The following TENM1 variants were observed in gnomAD, a reference collection of about 807,000 sequenced individuals.
TENM1 encodes the protein teneurin transmembrane protein 1, also known as teneurin-1.
Under a neutral mutation model 174.8 loss-of-function variants are expected in TENM1, and 35 were observed. The observed-to-expected ratio is 0.20, with a 90% CI of 0.15 to 0.27. TENM1 has a LOEUF of 0.27. Ranked by LOEUF, TENM1 falls within the 10% of genes least tolerant of loss-of-function variation. TENM1 has a pLI of 1.00. For missense variants in TENM1, 1,633 were observed against 2,130.1 expected, an observed-to-expected ratio of 0.77 and a Z score of 4.59; for synonymous variants, 781 against 798.7, an observed-to-expected ratio of 0.98 and a Z score of 0.37.
At chrX:124,876,557 C>A (rs1346164932) in intron 3 of TENM1, among the ~76,000 whole-genome samples, 1 of 111,414 alleles carries the variant, frequency 9.0e-6, no homozygotes, top group Non-Finnish European at 1.9e-5. Context: ...CCAAAAAAAT[C>A]TTTAAAAGAT....
intron 3 of TENM1, among the ~76,000 whole-genome samples, chrX:124,778,164 T>C (rs1234295568): frequency 8.9e-6 from 1 of 112,894 alleles, no homozygotes; most frequent in Non-Finnish European, 1.9e-5. Context: ...GTTAAATGCC[T>C]AGGCAGATAA....
the TENM1 span, among the ~76,000 whole-genome samples, chrX:125,012,126 T>C: frequency 1.8e-5 from 2 of 110,229 alleles, no homozygotes; most frequent in Admixed American, 9.7e-5. Context: ...TAAGTGGGAG[T>C]TGAACAATGA....
At chrX:125,160,860 C>T in the TENM1 span, among the ~76,000 whole-genome samples, 2 of 109,627 alleles carry the variant, frequency 1.8e-5, no homozygotes, top group Admixed American at 2.0e-4. Flanking sequence ...ATTGTTCAAT[C>T]ACTGTGGAAA....
At chrX:124,651,084 T>C (rs1234152692) in intron 8 of TENM1, among the ~76,000 whole-genome samples, 1 of 111,950 alleles carries the variant, frequency 8.9e-6, no homozygotes, top group African/African-American at 3.2e-5. Flanking sequence ...GTATTGAAAA[T>C]TGACAGCTGT....
intron 25 of TENM1, among the ~76,000 whole-genome samples, chrX:124,419,855 A>G (rs1303147959): frequency 8.9e-6 from 1 of 111,863 alleles, no homozygotes; most frequent in Non-Finnish European, 1.9e-5. Flanking sequence ...TCCCACAGCA[A>G]CTTATACTGA....
intron 23 of TENM1, among the ~76,000 whole-genome samples, chrX:124,435,514 T>TA (rs374861872): frequency 8.9e-6 from 1 of 111,889 alleles, no homozygotes; most frequent in African/African-American, 3.3e-5. Context: ...ATGGAGATGT[T>TA]AAGCTATAAG....
chrX:124,388,391 C>T (rs1346441699), intron 28 of TENM1, among the ~76,000 whole-genome samples: 1 of 112,381 alleles, frequency 8.9e-6, no homozygotes, highest in Admixed American at 9.4e-5. Flanking sequence ...TGTTTCAAAG[C>T]TTCCTGCCAA....
intron 3 of TENM1, among the ~76,000 whole-genome samples, chrX:124,886,546 T>TAGAGAGAG (rs1486537193): frequency 4.1e-4 from 31 of 76,065 alleles, no homozygotes; most frequent in African/African-American, 1.6e-3. Context: ...TATATATATA[T>TAGAGAGAG]ATAGAGAGAG....
chrX:124,979,181 T>C, the TENM1 span, among the ~76,000 whole-genome samples: 2 of 112,975 alleles, frequency 1.8e-5, no homozygotes, highest in East Asian at 5.6e-4. Flanking sequence ...CCAGGCCTAA[T>C]CATCATAGAT....
rs1378886454 is a variant in TENM1 at position 124,613,158 on chromosome X, T to C, written c.2077+28633A>G. On this transcript the variant is annotated intron_variant, in intron 11 of 31. Transcript: ENST00000422452. ...AGAAAGATGCTTCCTTCTGAGATGA[T>C]GAACAACTGACATTTGTATAGAACT... 6.3e-5 allele frequency among the ~76,000 whole-genome samples: 7 copies of C among 111,746 alleles called. No individual in the cohort carries two copies. The East Asian group carries it at 2.0e-3, about 31-fold the overall frequency.
At chrX:124,965,390 A>AT (rs1272241894), upstream of TENM1, among the ~76,000 whole-genome samples, 2 of 111,847 alleles carry the variant, frequency 1.8e-5, no homozygotes, top group East Asian at 5.6e-4. Context: ...ATGTAGGCTG[A>AT]TTTTTTAAAA....
intron 11 of TENM1, among the ~76,000 whole-genome samples, chrX:124,616,492 G>A (rs991546946): frequency 6.2e-5 from 7 of 112,102 alleles, no homozygotes; most frequent in Non-Finnish European, 1.1e-4. Flanking sequence ...GGGGAGGGTG[G>A]TGGCAGAAAT....
chrX:125,045,857 C>T, the TENM1 span, among the ~76,000 whole-genome samples: 1 of 111,951 alleles, frequency 8.9e-6, no homozygotes, highest in African/African-American at 3.2e-5. Flanking sequence ...AAAACACTTT[C>T]ATCAATTAAT....
chrX:124,593,990 T>C (rs946542008), intron 11 of TENM1, among the ~76,000 whole-genome samples: 12 of 112,513 alleles, frequency 1.1e-4, no homozygotes, highest in Non-Finnish European at 3.8e-5. Context: ...ATGGCTGATT[T>C]TGTATGCACC....
chrX:125,051,982 T>C, the TENM1 span, among the ~76,000 whole-genome samples: 1 of 109,877 alleles, frequency 9.1e-6, no homozygotes, highest in Admixed American at 9.7e-5. Context: ...TACAATGAAC[T>C]CAAACAAATT....
intron 3 of TENM1, among the ~76,000 whole-genome samples, chrX:124,828,825 AAAG>A (rs2056226287): frequency 8.9e-6 from 1 of 112,254 alleles, no homozygotes; most frequent in Non-Finnish European, 1.9e-5. Flanking sequence ...AAAGAAAACA[AAAG>A]AAAGAAAGAT....
intron 3 of TENM1, among the ~76,000 whole-genome samples, chrX:124,865,047 G>C (rs1344168248): frequency 9.0e-6 from 1 of 111,146 alleles, no homozygotes; most frequent in African/African-American, 3.3e-5. Flanking sequence ...AGAAACAAAG[G>C]CTTCCCCAGA....
At chrX:125,075,577 T>C in the TENM1 span, among the ~76,000 whole-genome samples, 1 of 111,100 alleles carries the variant, frequency 9.0e-6, no homozygotes, top group African/African-American at 3.3e-5. Flanking sequence ...ATATTCAGAG[T>C]TGTGCAACCT....
the TENM1 span, among the ~76,000 whole-genome samples, chrX:125,137,073 T>C: frequency 8.9e-6 from 1 of 111,740 alleles, no homozygotes; most frequent in Non-Finnish European, 1.9e-5. Flanking sequence ...GGACTAATTA[T>C]CTGACTGGGC....
Sources: gnomAD v4.1 joint callset for allele counts (sites outside exome capture counted in the v4.1 genomes callset) on GRCh38, gnomAD v4.1.1 for gene constraint, MANE v1.5 for transcripts, NCBI Gene and HGNC (gene_info 2026-07-23, HGNC 2026-07-21) for gene names.